The following TFDP2 variants were observed in gnomAD, a reference collection of about 807,000 sequenced individuals.
The protein encoded by TFDP2 is transcription factor Dp-2 (E2F dimerization partner 2).
Under a neutral mutation model 59.3 loss-of-function variants are expected in TFDP2, and 17 were observed. The ratio of observed to expected loss-of-function variants is 0.29; its 90% CI spans 0.20 to 0.43. The LOEUF is 0.43. Ranked by LOEUF, TFDP2 falls within the 20% of genes least tolerant of loss-of-function variation. TFDP2 has a pLI of 1.00. For missense variants in TFDP2, 391 were observed against 528.8 expected (o/e 0.74, Z 2.56); for synonymous variants, 180 against 194.7 (o/e 0.92, Z 0.63).
At chr3:142,134,300 G>A (rs1270547070) in intron 1 of TFDP2, among the ~76,000 whole-genome samples, 2 of 149,840 alleles carry the variant, frequency 1.3e-5, no homozygotes, top group Admixed American at 1.3e-4. Flanking sequence ...AGTGGGCCGA[G>A]ACCGTGCCAC....
chr3:142,086,819 C>T lies in TFDP2; in HGVS notation c.82+6242G>A, dbSNP rs577035696. Among the ~76,000 whole-genome samples, 7 of 152,306 alleles carry T rather than the reference C, an allele frequency of 4.6e-5. 1 individual carries two copies. In the South Asian group the frequency reaches 1.5e-3, roughly 32 times the overall value. ...GAGCTGAAAGCTTCAAGCTTACAAT[C>T]GTGACTTTATCTTTCTGGTGACTAG... is the stretch of plus-strand genomic sequence containing the variant. On this transcript the variant is annotated intron_variant, in intron 3 of 12. Transcript: ENST00000489671.
At chr3:142,015,968 C>T (rs975265851) in intron 3 of TFDP2, among the ~76,000 whole-genome samples, 1 of 152,104 alleles carries the variant, frequency 6.6e-6, no homozygotes, top group Non-Finnish European at 1.5e-5. Context: ...AAATATCTGA[C>T]TAATAATGTT....
At chr3:141,979,969 T>C (rs4683657) in intron 6 of TFDP2, among the ~76,000 whole-genome samples, 11,213 of 151,338 alleles carry the variant, frequency 0.074, 521 homozygotes, top group Non-Finnish European at 0.11. Flanking sequence ...AGTGCAGTGG[T>C]GCCGTCATGG....
chr3:142,015,915 A>C (rs1310581458), intron 3 of TFDP2, among the ~76,000 whole-genome samples: 2 of 152,220 alleles, frequency 1.3e-5, no homozygotes, highest in African/African-American at 4.8e-5. Flanking sequence ...TCTAGGTATA[A>C]AATATGCATC....
chr3:142,063,982 C>G (rs986912617), intron 3 of TFDP2, among the ~76,000 whole-genome samples: 3 of 152,110 alleles, frequency 2.0e-5, no homozygotes, highest in Admixed American at 6.5e-5. Flanking sequence ...GAGACAGAGT[C>G]TTACTCTGTC....
intron 7 of TFDP2, among the ~76,000 whole-genome samples, chr3:141,977,910 C>G: frequency 6.6e-6 from 1 of 151,506 alleles, no homozygotes; most frequent in East Asian, 2.0e-4. Context: ...CAGGGTTTCA[C>G]AGTGTTAGCC....
At chr3:142,051,639 G>A (rs115020186) in intron 3 of TFDP2, among the ~76,000 whole-genome samples, 1,723 of 152,164 alleles carry the variant, frequency 0.011, 34 homozygotes, top group African/African-American at 0.039. Flanking sequence ...GATAAGACAC[G>A]TACATCAATG....
At chr3:142,093,152 A>G in intron 2 of TFDP2, 25 bp from the exon 3 acceptor site, 2 of 1,499,500 alleles carry the variant, frequency 1.3e-6, no homozygotes, top group Non-Finnish European at 1.8e-6. Context: ...TTAAAAAGTT[A>G]AAAATAGAAT....
At chr3:142,046,350 T>C (rs1370703702) in intron 3 of TFDP2, among the ~76,000 whole-genome samples, 1 of 152,240 alleles carries the variant, frequency 6.6e-6, no homozygotes, top group Admixed American at 6.5e-5. Flanking sequence ...AAGCTTAATC[T>C]GTGTGTCTGT....
chr3:142,034,717 CTT>C (rs34863684), intron 3 of TFDP2, among the ~76,000 whole-genome samples: 126 of 110,602 alleles, frequency 1.1e-3, no homozygotes, highest in African/African-American at 1.3e-3. Context: ...CTTCTCTTGG[CTT>C]TTTTTTTTTT....
chr3:141,974,689 A>C (rs1016195398), intron 7 of TFDP2, among the ~76,000 whole-genome samples: 2 of 152,162 alleles, frequency 1.3e-5, no homozygotes, highest in African/African-American at 4.8e-5. Context: ...AAAGTGTTCT[A>C]AGCCCTTGCA....
chr3:142,108,659 A>G (rs2061556212), intron 1 of TFDP2, among the ~76,000 whole-genome samples: 1 of 152,192 alleles, frequency 6.6e-6, no homozygotes, highest in Admixed American at 6.5e-5. Flanking sequence ...ACTAGCCTCT[A>G]CTGACAGATA....
chr3:142,136,235 C>A (rs2062732922), intron 1 of TFDP2, among the ~76,000 whole-genome samples: 1 of 152,016 alleles, frequency 6.6e-6, no homozygotes, highest in Non-Finnish European at 1.5e-5. Context: ...CCTTTGCCCA[C>A]TTTTTGATAG....
chr3:142,101,958 C>A, intron 1 of TFDP2, 117 bp from the exon 2 acceptor site: 1 of 413,056 alleles, frequency 2.4e-6, no homozygotes, highest in East Asian at 3.3e-5. Flanking sequence ...TTAATCTTCA[C>A]AACAACACTA....
At chr3:142,014,653 T>A (rs1307889063) in intron 3 of TFDP2, among the ~76,000 whole-genome samples, 2 of 152,056 alleles carry the variant, frequency 1.3e-5, no homozygotes, top group Non-Finnish European at 2.9e-5. Flanking sequence ...TCACCTCAAC[T>A]GGCCCTTAAA....
At chr3:142,136,332 T>C (rs909461835) in intron 1 of TFDP2, among the ~76,000 whole-genome samples, 1 of 148,410 alleles carries the variant, frequency 6.7e-6, no homozygotes, top group Admixed American at 6.6e-5. Context: ...TTGCAAAAAT[T>C]TTCTCTGATG....
chr3:142,040,538 C>T (rs7630893), intron 3 of TFDP2, among the ~76,000 whole-genome samples: 110,725 of 152,006 alleles, frequency 0.73, 40,423 homozygotes, highest in South Asian at 0.81. Flanking sequence ...AGCGATTCTT[C>T]TGCCTCAGCT....
At chr3:141,990,338 G>T (rs1308831073) in intron 6 of TFDP2, among the ~76,000 whole-genome samples, 1 of 151,814 alleles carries the variant, frequency 6.6e-6, no homozygotes. Flanking sequence ...GCAGTGGTGT[G>T]ATCTTGGCTC....
chr3:142,031,769 A>G (rs933354136), intron 3 of TFDP2, among the ~76,000 whole-genome samples: 1 of 152,250 alleles, frequency 6.6e-6, no homozygotes, highest in Non-Finnish European at 1.5e-5. Flanking sequence ...ATCTGCCCAA[A>G]TATTAAGCCC....
Sources: gnomAD v4.1 joint callset for allele counts (sites outside exome capture counted in the v4.1 genomes callset) on GRCh38, gnomAD v4.1.1 for gene constraint, MANE v1.5 for transcripts, NCBI Gene and HGNC (gene_info 2026-07-23, HGNC 2026-07-21) for gene names.